Variants in FBXL7 observed in about 807,000 individuals in gnomAD.
FBXL7 encodes F-box/LRR-repeat protein 7.
A neutral mutation model predicts 38.3 loss-of-function variants in FBXL7; 12 were observed. The observed-to-expected ratio is 0.31, with a 90% CI of 0.20 to 0.51. FBXL7 has a LOEUF of 0.51. FBXL7 is among the 20% of genes least tolerant of loss of function. FBXL7 has a pLI of 0.98. For missense variants in FBXL7, 567 were observed against 676.4 expected, an observed-to-expected ratio of 0.84 and a Z score of 1.79; for synonymous variants, 297 against 300.9, an observed-to-expected ratio of 0.99 and a Z score of 0.13.
rs187880232 is a variant in FBXL7, at chr5:15,589,213, A to T, written c.38-26770A>T. On this transcript the variant is annotated intron_variant, in intron 1 of 3. Transcript: ENST00000504595. Reference sequence around the variant, plus strand: ...ACACTGTGGATGCAGTGAGGGGTACATCATGCTGTATATTTGATATGGTTT... The same window carrying T: ...ACACTGTGGATGCAGTGAGGGGTACTTCATGCTGTATATTTGATATGGTTT... 3.0e-3 allele frequency among the ~76,000 whole-genome samples: 453 copies of T among 152,202 alleles called. 1 individual carries two copies. The highest frequency in any genetic ancestry group is 5.2e-3 in the Non-Finnish European group (353 of 68,020).
At position 15,809,358 on chromosome 5, in the gene FBXL7, G is replaced by A. The variant is rs552267396; in HGVS notation, c.128-118532G>A. Among the ~76,000 whole-genome samples the A allele has an allele frequency of 1.3e-4, 20 of 152,168 alleles. No individual in the cohort carries two copies. In the South Asian group the frequency reaches 4.1e-3, roughly 32 times the overall value. The stretch of plus-strand genomic sequence containing the variant: ...ACTGTGGTTAAAAGCACAGAACCCG[G>A]GACCCAACAGACCTGGATTGAAATC... On this transcript the variant is annotated intron_variant, in intron 2 of 3. Transcript: ENST00000504595.
chr5:15,626,443 C>T (rs890853154), intron 2 of FBXL7, among the ~76,000 whole-genome samples: 9 of 152,004 alleles, frequency 5.9e-5, no homozygotes, highest in Admixed American at 1.3e-4. Flanking sequence ...CCATTTCAGA[C>T]GCAAGTAATA....
In FBXL7 at chr5:15,566,317, T is replaced by C. The variant is rs142945854; in HGVS notation, c.38-49666T>C. 5.7e-3 allele frequency among the ~76,000 whole-genome samples: 865 copies of C among 152,290 alleles called. 10 individuals carry two copies. The highest frequency in any genetic ancestry group is 0.02 in the Middle Eastern group (6 of 294). On this transcript the variant is annotated intron_variant, in intron 1 of 3. Coordinates refer to ENST00000504595, the MANE Select transcript of FBXL7 (RefSeq NM_012304.5). ...GCTGCCTTTTTTATTGGAGCTTAAG[T>C]AGTAAAACTGGACAACCTGCCTTTC...
At chr5:15,551,040 T>A (rs1182814281) in intron 1 of FBXL7, among the ~76,000 whole-genome samples, 1 of 152,222 alleles carries the variant, frequency 6.6e-6, no homozygotes, top group African/African-American at 2.4e-5. Flanking sequence ...AAAATCCACT[T>A]TTTTTGGATT....
chr5:15,620,889 T>A (rs1331809144), intron 2 of FBXL7, among the ~76,000 whole-genome samples: 1 of 152,244 alleles, frequency 6.6e-6, no homozygotes, highest in African/African-American at 2.4e-5. Flanking sequence ...GTCTCTCACC[T>A]CAGCTCCGAT....
In FBXL7 at chr5:15,638,920, C is replaced by T. The variant is rs75822148; in HGVS notation, c.127+22848C>T. ...GACCCTCTGGAACTCTCCTTTTTTA[C>T]TGAGCTCAACCCTGAAGTTCAGTCG... On this transcript the variant is annotated intron_variant, in intron 2 of 3. Transcript: ENST00000504595. Among the ~76,000 whole-genome samples the T allele has an allele frequency of 6.1e-3, 934 of 152,236 alleles. 7 individuals carry two copies. Among genetic ancestry groups the T allele is most frequent in the African/African-American group, 0.021 (881 of 41,552 alleles).
intron 2 of FBXL7, among the ~76,000 whole-genome samples, chr5:15,739,317 G>A (rs1034095306): frequency 6.6e-6 from 1 of 151,020 alleles, no homozygotes; most frequent in African/African-American, 2.4e-5. Flanking sequence ...CTTTCCAGCT[G>A]TAACTCAACA....
chr5:15,575,815 T>C (rs372142675), intron 1 of FBXL7, among the ~76,000 whole-genome samples: 3 of 152,350 alleles, frequency 2.0e-5, no homozygotes, highest in East Asian at 3.9e-4. Context: ...TATTCCTTTT[T>C]GTTTTAGCAC....
chr5:15,556,168 T>C (rs1196426618), intron 1 of FBXL7, among the ~76,000 whole-genome samples: 1 of 152,104 alleles, frequency 6.6e-6, no homozygotes, highest in Non-Finnish European at 1.5e-5. Flanking sequence ...TATTGGCTTA[T>C]GTGACTGTGG....
intron 2 of FBXL7, among the ~76,000 whole-genome samples, chr5:15,890,959 G>GA (rs74311286): frequency 9.9e-5 from 15 of 151,686 alleles, no homozygotes; most frequent in East Asian, 3.9e-4. Context: ...TAGATAATTA[G>GA]AAAAAAAAAC....
chr5:15,650,292 A>G (rs1339486106), intron 2 of FBXL7, among the ~76,000 whole-genome samples: 1 of 152,242 alleles, frequency 6.6e-6, no homozygotes, highest in Non-Finnish European at 1.5e-5. Flanking sequence ...ACTGTAGTCT[A>G]TTCAGTAGAC....
At chr5:15,572,684 C>T (rs1738830487) in intron 1 of FBXL7, among the ~76,000 whole-genome samples, 2 of 152,116 alleles carry the variant, frequency 1.3e-5, no homozygotes, top group African/African-American at 4.8e-5. Flanking sequence ...GGGCCCATGT[C>T]ATGCTGGTTT....
At chr5:15,753,132 G>A (rs1015264230) in intron 2 of FBXL7, among the ~76,000 whole-genome samples, 2 of 152,128 alleles carry the variant, frequency 1.3e-5, no homozygotes, top group Non-Finnish European at 2.9e-5. Context: ...GGGAGCAGGC[G>A]GGGGCTGGAC....
intron 2 of FBXL7, among the ~76,000 whole-genome samples, chr5:15,757,898 C>T (rs1210322280): frequency 6.6e-6 from 1 of 152,154 alleles, no homozygotes; most frequent in Non-Finnish European, 1.5e-5. Context: ...TCCCTTTCCT[C>T]CCCACAGCTA....
intron 2 of FBXL7, among the ~76,000 whole-genome samples, chr5:15,779,240 A>T (rs1442114639): frequency 6.6e-6 from 1 of 152,016 alleles, no homozygotes; most frequent in Non-Finnish European, 1.5e-5. Context: ...AGGAGCACAA[A>T]AATAGTTAGA....
chr5:15,912,668 AAAG>A (rs1741468867), intron 2 of FBXL7, among the ~76,000 whole-genome samples: 1 of 152,158 alleles, frequency 6.6e-6, no homozygotes, highest in African/African-American at 2.4e-5. Flanking sequence ...ATTAAAAAAA[AAAG>A]AAGTATGACA....
chr5:15,914,526 A>G (rs1741531382), intron 2 of FBXL7, among the ~76,000 whole-genome samples: 1 of 152,166 alleles, frequency 6.6e-6, no homozygotes, highest in Admixed American at 6.5e-5. Context: ...TTGGGTGTAC[A>G]TGTGTCTTTT....
intron 2 of FBXL7, among the ~76,000 whole-genome samples, chr5:15,872,721 A>G (rs1241870996): frequency 6.6e-6 from 1 of 152,252 alleles, no homozygotes; most frequent in African/African-American, 2.4e-5. Flanking sequence ...CACTGCAACA[A>G]GAAGGGTTAA....
chr5:15,653,387 G>A (rs1453337021), intron 2 of FBXL7, among the ~76,000 whole-genome samples: 1 of 152,100 alleles, frequency 6.6e-6, no homozygotes, highest in South Asian at 2.1e-4. Context: ...GCATGTGGAA[G>A]TTTCTACTAT....
Sources: allele counts gnomAD v4.1 joint callset (sites outside exome capture counted in the v4.1 genomes callset), GRCh38; gene constraint gnomAD v4.1.1; transcripts MANE v1.5; gene names NCBI Gene and HGNC (gene_info 2026-07-23, HGNC 2026-07-21).